The following TCF4 variants were observed in gnomAD, a reference collection of about 807,000 sequenced individuals.
The protein encoded by TCF4 is transcription factor 4.
A neutral mutation model predicts 82.1 loss-of-function variants in TCF4; 3 were observed. The ratio of observed to expected loss-of-function variants is 0.04; its 90% CI spans 0.02 to 0.09. TCF4 has a LOEUF of 0.09. Among genes scored for constraint, TCF4 ranks in the 10% least tolerant of loss-of-function variants. TCF4 has a pLI of 1.00. For synonymous variants in TCF4, 276 were observed against 309.6 expected (o/e 0.89, Z 1.14); for missense variants, 518 against 852.7 (o/e 0.61, Z 4.89).
At chr18:55,621,524 T>TATATTA (rs71169308) in intron 2 of TCF4, among the ~76,000 whole-genome samples, 6 of 13,846 alleles carry the variant, frequency 4.3e-4, no homozygotes, top group Admixed American at 1.5e-3. Context: ...TTATATAATA[T>TATATTA]TATATAATAT....
intron 10 of TCF4, among the ~76,000 whole-genome samples, chr18:55,271,262 G>C (rs1001451081): frequency 4.6e-5 from 7 of 151,922 alleles, no homozygotes; most frequent in Admixed American, 2.0e-4. Context: ...AATTATATTT[G>C]GCCTTTCATT....
chr18:55,573,091 A>G (rs181082565), intron 3 of TCF4, among the ~76,000 whole-genome samples: 1 of 152,192 alleles, frequency 6.6e-6, no homozygotes, highest in African/African-American at 2.4e-5. Flanking sequence ...AGACCATTCA[A>G]TAAGACCCAC....
Position 55,350,999 on chromosome 18 carries a change from C to T in TCF4, c.374G>A (p.Ser125Asn), listed in dbSNP as rs1372478845. The T allele has an allele frequency of 1.9e-6, 3 of 1,613,082 alleles. No homozygotes were observed. The highest frequency in any genetic ancestry group is 2.5e-6 in the Non-Finnish European group (3 of 1,179,390). The stretch of plus-strand genomic sequence containing the variant: ...CATATCCATGTCACCTCCAAGGAGA[C>T]TCTGCTAAAAGGTTAAAAAGGGAAA... ...ESNLQGCHQQ[S>N]LLGGDMDMGN... Residue 125 changes from serine to asparagine, a missense_variant, in exon 7 of 20, where the codon AGT (serine) becomes AAT (asparagine). By Grantham distance (46) the Ser-to-Asn change is conservative. Around this residue, in one of 7 missense-constraint regions of TCF4, gnomAD observed 80 missense variants for 93.8 expected, o/e 0.85. Coordinates refer to ENST00000354452, the MANE Select transcript of TCF4 (RefSeq NM_001083962.2).
rs9959527 is a variant in TCF4, at chr18:55,423,829, C to T, written c.305-20311G>A. 4.3e-3 allele frequency among the ~76,000 whole-genome samples: 655 copies of T among 152,242 alleles called. 2 individuals carry two copies. Among genetic ancestry groups the T allele is most frequent in the African/African-American group, 0.015 (621 of 41,540 alleles). ...TCTCGCCTGCCTACACTCCAACTGA[C>T]GTCTTCATAATCGCCCTGTCTTTCT... On this transcript the variant is annotated intron_variant, in intron 5 of 19. Coordinates refer to ENST00000354452, the MANE Select transcript of TCF4 (RefSeq NM_001083962.2).
chr18:55,559,252 T>C (rs1188486227), intron 3 of TCF4, among the ~76,000 whole-genome samples: 1 of 151,934 alleles, frequency 6.6e-6, no homozygotes, highest in Non-Finnish European at 1.5e-5. Flanking sequence ...ACTTTTAGCA[T>C]ATGCCTTTTA....
At chr18:55,347,029 A>T (rs1460599286) in intron 8 of TCF4, among the ~76,000 whole-genome samples, 1 of 152,218 alleles carries the variant, frequency 6.6e-6, no homozygotes, top group Non-Finnish European at 1.5e-5. Flanking sequence ...TGAAATGAGC[A>T]GTAAAGTTGC....
At chr18:55,302,349 T>C in intron 8 of TCF4, 2 of 1,405,094 alleles carry the variant, frequency 1.4e-6, no homozygotes, top group Non-Finnish European at 1.9e-6. Context: ...AGCAGCACAG[T>C]GCAGCCCAAG....
intron 8 of TCF4, among the ~76,000 whole-genome samples, chr18:55,346,771 T>C (rs2081268491): frequency 6.6e-6 from 1 of 152,194 alleles, no homozygotes; most frequent in South Asian, 2.1e-4. Flanking sequence ...CATGTTTACA[T>C]GTTGATGGGC....
At chr18:55,356,950 G>GA (rs2083706052) in intron 6 of TCF4, among the ~76,000 whole-genome samples, 2 of 151,906 alleles carry the variant, frequency 1.3e-5, no homozygotes, top group Admixed American at 6.6e-5. Context: ...TCCTTATAAG[G>GA]AAACACACCA....
At chr18:55,315,236 G>C (rs2073816483) in intron 8 of TCF4, among the ~76,000 whole-genome samples, 1 of 152,032 alleles carries the variant, frequency 6.6e-6, no homozygotes, top group Admixed American at 6.6e-5. Context: ...CCTTTTTTAG[G>C]TGGGGAGAAC....
At chr18:55,562,944 T>TA (rs2097367849) in intron 3 of TCF4, among the ~76,000 whole-genome samples, 1 of 152,008 alleles carries the variant, frequency 6.6e-6, no homozygotes, top group African/African-American at 2.4e-5. Context: ...ACTACTGGAA[T>TA]AAAAAATGCT....
chr18:55,425,516 G>GAAAA (rs370693034), intron 5 of TCF4, among the ~76,000 whole-genome samples: 1 of 145,226 alleles, frequency 6.9e-6, no homozygotes, highest in African/African-American at 2.5e-5. Context: ...TGAAGTCAAG[G>GAAAA]AAAAAAAAAA....
At chr18:55,475,244 T>C (rs1568159251) in intron 3 of TCF4, among the ~76,000 whole-genome samples, 1 of 152,234 alleles carries the variant, frequency 6.6e-6, no homozygotes, top group Admixed American at 6.5e-5. Context: ...CCTTCTGTGA[T>C]ATTAGAATTT....
Position 55,586,146 on chromosome 18 carries a change from G to GCA in TCF4, c.73-795_73-794insTG. On this transcript the variant is annotated intron_variant, in intron 2 of 19. Coordinates refer to ENST00000354452, the MANE Select transcript of TCF4 (RefSeq NM_001083962.2). ...AGGAGGAGGAGGAGAAGGAGGAGGAGGAGGAGGAGCAGCAGCAGCAGCAGC... is the reference window on the plus strand; with the variant it reads ...AGGAGGAGGAGGAGAAGGAGGAGGAGCAGAGGAGGAGCAGCAGCAGCAGCAGC... 49 of 1,372,118 alleles carry GCA rather than the reference G, an allele frequency of 3.6e-5. 5 individuals carry two copies. Among genetic ancestry groups the GCA allele is most frequent in the East Asian group, 8.8e-5 (3 of 34,028 alleles). 85.0% of individuals were successfully genotyped at this position (1,372,118 alleles called of 1,614,324 possible).
At chr18:55,521,382 C>T (rs1267603574) in intron 3 of TCF4, among the ~76,000 whole-genome samples, 29 of 152,146 alleles carry the variant, frequency 1.9e-4, no homozygotes, top group Non-Finnish European at 1.5e-5. Flanking sequence ...ACATTTCATG[C>T]ACTGCAATGA....
chr18:55,276,992 C>A (rs2061601427), intron 9 of TCF4, among the ~76,000 whole-genome samples: 1 of 152,162 alleles, frequency 6.6e-6, no homozygotes, highest in Non-Finnish European at 1.5e-5. Context: ...ATTTTGACAA[C>A]TTCAGAGTTT....
chr18:55,378,398 G>T (rs1603421498), intron 6 of TCF4, among the ~76,000 whole-genome samples: 1 of 152,154 alleles, frequency 6.6e-6, no homozygotes, highest in East Asian at 1.9e-4. Flanking sequence ...TATGAAATAT[G>T]TGCTAATGTT....
intron 15 of TCF4, among the ~76,000 whole-genome samples, chr18:55,240,625 G>C (rs2050921008): frequency 6.6e-6 from 1 of 152,220 alleles, no homozygotes. Context: ...GATAGATACT[G>C]TGAGGAACAA....
chr18:55,621,421 A>T (rs201246264), intron 2 of TCF4, among the ~76,000 whole-genome samples: 8 of 72,664 alleles, frequency 1.1e-4, no homozygotes, highest in South Asian at 3.9e-4. Context: ...TATATATATT[A>T]TATATAATAT....
Sources: allele counts gnomAD v4.1 joint callset (sites outside exome capture counted in the v4.1 genomes callset), GRCh38; gene constraint gnomAD v4.1.1; regional missense constraint gnomAD v4.1.1; transcripts MANE v1.5; gene names NCBI Gene and HGNC (gene_info 2026-07-23, HGNC 2026-07-21).